Variants in PCNA observed in about 807,000 individuals in gnomAD.
The protein encoded by PCNA is DNA sliding clamp PCNA.
PCNA carries 4 observed loss-of-function variants against 27.8 expected under a neutral mutation model. The observed-to-expected ratio is 0.14, with a 90% CI of 0.07 to 0.33. The LOEUF is 0.33. Ranked by LOEUF, PCNA falls within the 10% of genes least tolerant of loss-of-function variation. PCNA has a pLI of 1.00. For missense variants in PCNA, 165 were observed against 327.4 expected (o/e 0.50, Z 3.83); for synonymous variants, 121 against 119.4 (o/e 1.01, Z -0.09).
chr20:5,116,654 GTTTT>G (rs942236721), intron 4 of PCNA, among the ~76,000 whole-genome samples: 3 of 151,892 alleles, frequency 2.0e-5, no homozygotes, highest in African/African-American at 7.3e-5. Context: ...AGGTTAGCGA[GTTTT>G]TTTTGTTTGT....
rs2090467688 is a variant in PCNA at position 5,115,381 on chromosome 20, G to C, written c.707-19C>G. On this transcript the variant is annotated intron_variant, in intron 5 of 5. Transcript: ENST00000379143. ...TCTACAACTGAAAGACAGGAAGATG[G>C]TTAATTACTGAGGAGTATGTATCAC... The C allele has an allele frequency of 6.2e-7, 1 of 1,613,226 alleles. No individual in the cohort carries two copies. The highest frequency in any genetic ancestry group is 1.1e-5 in the South Asian group (1 of 91,052).
Position 5,118,915 on chromosome 20 carries a change from G to C in PCNA, c.222-49C>G, listed in dbSNP as rs778535236. On this transcript the variant is annotated intron_variant, in intron 1 of 5. Coordinates refer to ENST00000379143, the MANE Select transcript of PCNA (RefSeq NM_182649.2). ...TTAAAATCAACGCCGTCTGCTGAAGGGCTGTATTTCGAACGCGGTTAGAAG... is the reference window on the plus strand; with the variant it reads ...TTAAAATCAACGCCGTCTGCTGAAGCGCTGTATTTCGAACGCGGTTAGAAG... 3.1e-5 allele frequency: 42 copies of C among 1,338,684 alleles called. No individual in the cohort carries two copies. In the South Asian group the frequency reaches 4.4e-4, roughly 14 times the overall value. The allele number at this position is 1,338,684 out of a possible 1,614,324, so 82.9% of individuals were successfully genotyped here.
upstream of PCNA, among the ~76,000 whole-genome samples, chr20:5,121,013 G>A (rs2090514861): frequency 6.6e-6 from 1 of 151,984 alleles, no homozygotes; most frequent in Non-Finnish European, 1.5e-5. Context: ...AGTAGAGACG[G>A]GGTTTCACCA....
chr20:5,115,483 C>T lies in PCNA; in HGVS notation c.672G>A (p.Thr224=), dbSNP rs151245353. ...CATCTGCAGACATACTGAGTGTCAC[C>T]GTTGAAGAGAGTGGAGTGGCTTTTG... ...FFTKATPLSS[T]VTLSMSADVP... The change falls in exon 5 of 6, where the codon ACG becomes ACA. Residue 224 remains threonine (T), a synonymous_variant. Coordinates refer to ENST00000379143, the MANE Select transcript of PCNA (RefSeq NM_182649.2). 61 of 1,613,980 alleles carry T rather than the reference C, an allele frequency of 3.8e-5. No homozygotes were observed. Among genetic ancestry groups the T allele is most frequent in the Non-Finnish European group, 5.0e-5 (59 of 1,179,896 alleles).
Position 5,115,157 on chromosome 20 carries a change from GAAAAC to G in PCNA, c.*121_*125del, listed in dbSNP as rs2090466483. 3 of 638,452 alleles carry G rather than the reference GAAAAC, an allele frequency of 4.7e-6. No individual in the cohort carries two copies. Among genetic ancestry groups the G allele is most frequent in the Non-Finnish European group, 8.1e-6 (3 of 368,970 alleles). The allele number at this position is 638,452 out of a possible 1,614,324, so 39.5% of individuals were successfully genotyped here. A position where few individuals can be genotyped will look rare whatever the true frequency, so the allele number is the denominator to read the frequency against. ...TAGAGAAAAAAATAGGTTATTTACA[GAAAAC>G]AATATCTACATATGTACTTAGAGGT... On this transcript the variant is annotated 3_prime_UTR_variant, in exon 6 of 6. Coordinates refer to ENST00000379143, the MANE Select transcript of PCNA (RefSeq NM_182649.2).
chr20:5,119,960 C>G (rs776674582), upstream of PCNA: 6 of 618,890 alleles, frequency 9.7e-6, no homozygotes, highest in Non-Finnish European at 1.1e-5. Context: ...CCGTTTAATG[C>G]CGCCGCGTCC....
chr20:5,121,857 G>C (rs1235346938), upstream of PCNA, among the ~76,000 whole-genome samples: 1 of 151,958 alleles, frequency 6.6e-6, no homozygotes, highest in Non-Finnish European at 1.5e-5. Context: ...CAACTCCTGG[G>C]CTCAAGCAAT....
Position 5,115,495 on chromosome 20 carries a change from T to A in PCNA, c.660A>T (p.Pro220=). 1.2e-6 allele frequency: 2 copies of A among 1,613,850 alleles called. No individual in the cohort carries two copies. The highest frequency in any genetic ancestry group is 8.5e-7 in the Non-Finnish European group (1 of 1,179,834). The change falls in exon 5 of 6, where the codon CCA becomes CCT. Residue 220 remains proline, a synonymous_variant. Transcript: ENST00000379143. ...RYLNFFTKAT[P]LSSTVTLSMS... ...TACTGAGTGTCACCGTTGAAGAGAG[T>A]GGAGTGGCTTTTGTAAAGAAGTTCA...
intron 3 of PCNA, among the ~76,000 whole-genome samples, chr20:5,118,229 G>T (rs1200740628): frequency 1.3e-5 from 2 of 152,202 alleles, no homozygotes; most frequent in Non-Finnish European, 2.9e-5. Flanking sequence ...TTTGAAACAT[G>T]CACCAGTAGA....
At chr20:5,118,508 G>T in intron 3 of PCNA, 102 bp downstream of exon 3, 1 of 842,084 alleles carries the variant, frequency 1.2e-6, no homozygotes, top group Non-Finnish European at 1.9e-6. Flanking sequence ...TCCAGCCTGG[G>T]CAACAGAGCC....
At chr20:5,116,793 C>T (rs1042031070) in intron 4 of PCNA, among the ~76,000 whole-genome samples, 2 of 152,170 alleles carry the variant, frequency 1.3e-5, no homozygotes, top group Non-Finnish European at 2.9e-5. Flanking sequence ...GCTGGGATTA[C>T]AGGTGTGCGC....
chr20:5,119,914 C>A lies in PCNA; in HGVS notation c.-116G>T, dbSNP rs891615221. ...CGAACGTCGCGACGACCGGCTGAGACCTAGAAAGACAACGACCACTCTGCT... is the reference window on the plus strand; with the variant it reads ...CGAACGTCGCGACGACCGGCTGAGAACTAGAAAGACAACGACCACTCTGCT... On this transcript the variant is annotated 5_prime_UTR_variant, in exon 1 of 6. Coordinates refer to ENST00000379143, the MANE Select transcript of PCNA (RefSeq NM_182649.2). 1.2e-5 allele frequency: 9 copies of A among 758,238 alleles called. No homozygotes were observed. The highest frequency in any genetic ancestry group is 2.0e-5 in the Non-Finnish European group (9 of 458,500). The allele number at this position is 758,238 out of a possible 1,614,324, so 47.0% of individuals were successfully genotyped here.
In PCNA at chr20:5,116,746, C is replaced by T. The variant is rs146106673; in HGVS notation, c.582+724G>A. ...GGGCTCACTGCAACCTCCGCCTCCT[C>T]GGTTCAAGTCATTCTCCCATCTCAG... On this transcript the variant is annotated intron_variant, in intron 4 of 5. Coordinates refer to ENST00000379143, the MANE Select transcript of PCNA (RefSeq NM_182649.2). 3.2e-3 allele frequency among the ~76,000 whole-genome samples: 488 copies of T among 152,230 alleles called. 4 individuals carry two copies. The highest frequency in any genetic ancestry group is 0.011 in the African/African-American group (464 of 41,538).
chr20:5,116,531 T>C (rs542166297), intron 4 of PCNA, among the ~76,000 whole-genome samples: 1 of 152,342 alleles, frequency 6.6e-6, no homozygotes, highest in African/African-American at 2.4e-5. Flanking sequence ...TGTAAGCTTA[T>C]AATATGCCAC....
intron 4 of PCNA, among the ~76,000 whole-genome samples, chr20:5,117,114 T>C (rs1193806744): frequency 6.6e-6 from 1 of 152,196 alleles, no homozygotes; most frequent in Non-Finnish European, 1.5e-5. Context: ...CTCCTAACCA[T>C]ATCCTTCTAT....
At chr20:5,123,626 C>G (rs997606704), upstream of PCNA, among the ~76,000 whole-genome samples, 3 of 150,188 alleles carry the variant, frequency 2.0e-5, no homozygotes, top group Non-Finnish European at 4.4e-5. Flanking sequence ...ACCCGGGAGG[C>G]AGAGGTTGCA....
chr20:5,118,157 A>G (rs577720316), intron 3 of PCNA, among the ~76,000 whole-genome samples: 1 of 152,378 alleles, frequency 6.6e-6, no homozygotes, highest in Admixed American at 6.5e-5. Flanking sequence ...GCAGTAAACA[A>G]TAAATTTAAC....
intron 1 of PCNA, among the ~76,000 whole-genome samples, chr20:5,119,240 G>C (rs2090498109): frequency 6.6e-6 from 1 of 152,092 alleles, no homozygotes; most frequent in South Asian, 2.1e-4. Context: ...GACCGTCTCA[G>C]AAACAAGAAA....
upstream of PCNA, among the ~76,000 whole-genome samples, chr20:5,122,813 T>C (rs1252922774): frequency 6.6e-6 from 1 of 152,224 alleles, no homozygotes; most frequent in African/African-American, 2.4e-5. Flanking sequence ...TTACATGTAA[T>C]AGATTTGAAG....
Sources: allele counts gnomAD v4.1 joint callset (sites outside exome capture counted in the v4.1 genomes callset), GRCh38; gene constraint gnomAD v4.1.1; transcripts MANE v1.5; gene names NCBI Gene and HGNC (gene_info 2026-07-23, HGNC 2026-07-21).